The following CLASP1 variants were observed in gnomAD, a reference collection of about 807,000 sequenced individuals.
The protein encoded by CLASP1 is cytoplasmic linker associated protein 1.
A neutral mutation model predicts 192.3 loss-of-function variants in CLASP1; 38 were observed. The observed-to-expected ratio is 0.20, with a 90% CI of 0.15 to 0.26. The LOEUF is 0.26. Ranked by LOEUF, CLASP1 falls within the 10% of genes least tolerant of loss-of-function variation. The pLI, the probability that CLASP1 is intolerant of heterozygous loss-of-function variation, is 1.00. For synonymous variants in CLASP1, 691 were observed against 712.8 expected (o/e 0.97, Z 0.49); for missense variants, 1,433 against 1,932.5 (o/e 0.74, Z 4.85).
intron 19 of CLASP1, chr2:121,445,508 GA>G (rs1221263579): frequency 3.1e-6 from 4 of 1,286,002 alleles, no homozygotes; most frequent in Non-Finnish European, 4.1e-6. Flanking sequence ...TAGAAGTTTG[GA>G]AAAGGATCAT....
chr2:121,509,924 G>T (rs2094071506), intron 7 of CLASP1, among the ~76,000 whole-genome samples: 1 of 151,880 alleles, frequency 6.6e-6, no homozygotes. Context: ...GATAAAATCA[G>T]AAATTAATAA....
exon 25 of CLASP1, chr2:121,407,627 C>G: frequency 2.5e-6 from 4 of 1,613,988 alleles, no homozygotes; most frequent in South Asian, 1.1e-5. Flanking sequence ...GCCATATGAG[C>G]GCTCAGAGCA....
intron 7 of CLASP1, among the ~76,000 whole-genome samples, chr2:121,510,061 C>T (rs2094075857): frequency 6.6e-6 from 1 of 152,036 alleles, no homozygotes; most frequent in Non-Finnish European, 1.5e-5. Flanking sequence ...CATATCAAAG[C>T]TTATGGAATA....
chr2:121,447,255 T>G, intron 19 of CLASP1, 82 bp downstream of exon 19: 4 of 1,247,224 alleles, frequency 3.2e-6, no homozygotes, highest in African/African-American at 1.5e-5. Flanking sequence ...GCCTCAATCA[T>G]GGGTTTGTAT....
intron 33 of CLASP1, among the ~76,000 whole-genome samples, chr2:121,380,583 AAGAG>A (rs1364188574): frequency 6.6e-6 from 1 of 152,198 alleles, no homozygotes; most frequent in Non-Finnish European, 1.5e-5. Flanking sequence ...TCAGGTCTCC[AAGAG>A]AGAGAAACTG....
chr2:121,567,597 G>A (rs75152777), intron 2 of CLASP1, among the ~76,000 whole-genome samples: 22 of 152,320 alleles, frequency 1.4e-4, no homozygotes, highest in African/African-American at 4.3e-4. Flanking sequence ...AGGTCCTCCC[G>A]TGCAAACGTC....
intron 7 of CLASP1, among the ~76,000 whole-genome samples, chr2:121,507,389 T>C (rs776057190): frequency 6.6e-6 from 1 of 152,132 alleles, no homozygotes; most frequent in African/African-American, 2.4e-5. Context: ...TGATACCATA[T>C]CCTACCTAAG....
intron 2 of CLASP1, chr2:121,530,717 C>A: frequency 5.9e-6 from 3 of 512,756 alleles, no homozygotes; most frequent in Non-Finnish European, 1.1e-5. Flanking sequence ...TTTTGCGACC[C>A]TTCGGGAGCC....
intron 1 of CLASP1, among the ~76,000 whole-genome samples, chr2:121,631,915 C>T (rs1299211086): frequency 6.6e-6 from 1 of 151,862 alleles, no homozygotes; most frequent in African/African-American, 2.4e-5. Flanking sequence ...GGCGTGGTGG[C>T]GTGCCCATGT....
intron 39 of CLASP1, among the ~76,000 whole-genome samples, chr2:121,341,250 T>G (rs1004784915): frequency 3.3e-5 from 5 of 152,016 alleles, no homozygotes; most frequent in Non-Finnish European, 5.9e-5. Context: ...GAGGAAGGGA[T>G]ACGGGGGCAG....
intron 39 of CLASP1, among the ~76,000 whole-genome samples, chr2:121,345,019 C>T (rs1017987546): frequency 2.6e-5 from 4 of 152,268 alleles, no homozygotes; most frequent in Middle Eastern, 3.4e-3. Context: ...CTTAACCAGG[C>T]GTGGTGGCGC....
chr2:121,630,403 C>T (rs1395146784), intron 1 of CLASP1, among the ~76,000 whole-genome samples: 3 of 151,550 alleles, frequency 2.0e-5, no homozygotes, highest in Admixed American at 6.6e-5. Context: ...CACACACACA[C>T]ACACACACAC....
At position 121,530,897 on chromosome 2, in the gene CLASP1, G is replaced by A. The variant is rs991806266; in HGVS notation, c.196-572C>T. On this transcript the variant is annotated intron_variant, in intron 2 of 39. Transcript: ENST00000263710. ...TCTATTATAACCATCCTTTTCTTGG[G>A]GTTGCGCTACTGTCCAATGAGCGCA... The A allele has an allele frequency of 4.3e-5, 30 of 694,810 alleles. No individual in the cohort carries two copies. Among genetic ancestry groups the A allele is most frequent in the East Asian group, 1.1e-4 (4 of 37,124 alleles). The allele number at this position is 694,810 out of a possible 1,614,324, so 43.0% of individuals were successfully genotyped here.
At chr2:121,354,826 AAG>A (rs1291313398) in intron 37 of CLASP1, among the ~76,000 whole-genome samples, 4 of 152,198 alleles carry the variant, frequency 2.6e-5, no homozygotes, top group Non-Finnish European at 4.4e-5. Flanking sequence ...GACAGGATTC[AAG>A]AGTCAGCAGC....
chr2:121,354,684 A>T (rs1429423444), intron 37 of CLASP1, among the ~76,000 whole-genome samples: 1 of 152,210 alleles, frequency 6.6e-6, no homozygotes, highest in Non-Finnish European at 1.5e-5. Flanking sequence ...CTGGAGAAAG[A>T]AACAAAAGGT....
intron 38 of CLASP1, 47 bp downstream of exon 39, chr2:121,348,465 C>A (rs780649207): frequency 2.0e-6 from 3 of 1,524,268 alleles, no homozygotes; most frequent in Non-Finnish European, 1.8e-6. Context: ...TCAAGTTAGG[C>A]AACCCCACAC....
intron 8 of CLASP1, among the ~76,000 whole-genome samples, chr2:121,496,540 G>A (rs1177041359): frequency 6.6e-6 from 1 of 152,044 alleles, no homozygotes; most frequent in Non-Finnish European, 1.5e-5. Flanking sequence ...CTAAGTGTTC[G>A]TACATGCACT....
chr2:121,624,520 T>C (rs1278782025), intron 1 of CLASP1, among the ~76,000 whole-genome samples: 1 of 152,082 alleles, frequency 6.6e-6, no homozygotes, highest in Non-Finnish European at 1.5e-5. Flanking sequence ...GGGTCCAAGC[T>C]ATTCTCCTGC....
At chr2:121,543,860 AG>A (rs2095280082) in intron 2 of CLASP1, among the ~76,000 whole-genome samples, 1 of 152,178 alleles carries the variant, frequency 6.6e-6, no homozygotes, top group African/African-American at 2.4e-5. Flanking sequence ...AAAAAAAAGT[AG>A]GGGGTGGATA....
Sources: gnomAD v4.1 joint callset for allele counts (sites outside exome capture counted in the v4.1 genomes callset) on GRCh38, gnomAD v4.1.1 for gene constraint, MANE v1.5 for transcripts, NCBI Gene and HGNC (gene_info 2026-07-23, HGNC 2026-07-21) for gene names.